Variants in TMEM170B observed in about 807,000 individuals in gnomAD.
The protein encoded by TMEM170B is transmembrane protein 170B.
In TMEM170B, 6 loss-of-function variants were observed where a neutral mutation model predicts 13.0. That is an observed-to-expected ratio of 0.46 (90% CI 0.25 to 0.91). The LOEUF (loss-of-function observed/expected upper bound fraction) is 0.91, where lower values mean the gene tolerates loss of function less well. Among genes scored for constraint, TMEM170B ranks in the 40% least tolerant of loss-of-function variants. The pLI, the probability that TMEM170B is intolerant of heterozygous loss-of-function variation, is 0.17. For missense variants in TMEM170B, 138 were observed against 165.2 expected (o/e 0.84, Z 0.90); for synonymous variants, 61 against 64.9 (o/e 0.94, Z 0.29).
chr6:11,569,801 G>A (rs373156802), intron 2 of TMEM170B, among the ~76,000 whole-genome samples: 35 of 152,048 alleles, frequency 2.3e-4, no homozygotes, highest in African/African-American at 8.4e-4. Context: ...GATTTGTAGT[G>A]CCACCTTTAT....
In TMEM170B at chr6:11,555,210, T is replaced by C. The variant is rs80273060; in HGVS notation, c.98-10456T>C. 2.8e-3 allele frequency among the ~76,000 whole-genome samples: 426 copies of C among 152,244 alleles called. 17 individuals carry two copies. The East Asian group carries it at 0.073, about 26-fold the overall frequency. On this transcript the variant is annotated intron_variant, in intron 1 of 2. Coordinates refer to ENST00000379426, the MANE Select transcript of TMEM170B (RefSeq NM_001100829.3). ...CCTTTCAGTATTTTAAAGATGTCAC[T>C]CTATTGTCTTCTGGCTCGGAAATTT...
chr6:11,567,553 A>G (rs370251955), intron 2 of TMEM170B, among the ~76,000 whole-genome samples: 4 of 152,350 alleles, frequency 2.6e-5, no homozygotes, highest in African/African-American at 9.6e-5. Context: ...CTATGGCACT[A>G]ATAAGACAAC....
At chr6:11,551,953 A>G (rs776731813) in intron 1 of TMEM170B, among the ~76,000 whole-genome samples, 1 of 152,176 alleles carries the variant, frequency 6.6e-6, no homozygotes, top group Non-Finnish European at 1.5e-5. Flanking sequence ...TTCATTATAC[A>G]GTTTTTTCCT....
At chr6:11,538,958 C>G (rs976628507) in intron 1 of TMEM170B, among the ~76,000 whole-genome samples, 1 of 152,178 alleles carries the variant, frequency 6.6e-6, no homozygotes, top group Non-Finnish European at 1.5e-5. Flanking sequence ...ATATCTCCTT[C>G]CCCTCCCATT....
chr6:11,538,386 G>A lies in TMEM170B; in HGVS notation c.97+12G>A, dbSNP rs1339770867. The A allele has an allele frequency of 1.3e-6, 2 of 1,500,474 alleles. No homozygotes were observed. The highest frequency in any genetic ancestry group is 1.8e-6 in the Non-Finnish European group (2 of 1,126,088). The allele number at this position is 1,500,474 out of a possible 1,614,324, so 92.9% of individuals were successfully genotyped here. ...GAGGAACCTCACGGGTAATTGACGC[G>A]CCTGGGCTGGGGACGGGGATGCGGT... On this transcript the variant is annotated intron_variant, in intron 1 of 2. Transcript: ENST00000379426.
At chr6:11,540,133 A>C (rs1273256352) in intron 1 of TMEM170B, among the ~76,000 whole-genome samples, 1 of 152,198 alleles carries the variant, frequency 6.6e-6, no homozygotes, top group East Asian at 1.9e-4. Flanking sequence ...TGTGTTGATG[A>C]CTGCTGACTG....
intron 1 of TMEM170B, among the ~76,000 whole-genome samples, chr6:11,564,454 A>G (rs1759709336): frequency 6.6e-6 from 1 of 152,240 alleles, no homozygotes; most frequent in Non-Finnish European, 1.5e-5. Flanking sequence ...TACAATTGAT[A>G]GTGACTACCT....
In TMEM170B at chr6:11,574,901, A is replaced by G. The variant is rs544814448; in HGVS notation, c.269-530A>G. ...ATTTAAAAAGCAAGAACTATTTTGT[A>G]TGGTAGATTGTGAGATGGATTAGTC... is the stretch of plus-strand genomic sequence containing the variant. On this transcript the variant is annotated intron_variant, in intron 2 of 2. Transcript: ENST00000379426. Among the ~76,000 whole-genome samples, 8 of 152,260 alleles carry G rather than the reference A, an allele frequency of 5.3e-5. No individual in the cohort carries two copies. In the South Asian group the frequency reaches 1.7e-3, roughly 32 times the overall value.
chr6:11,582,467 A>T lies in TMEM170B; in HGVS notation c.*6906A>T, dbSNP rs556230503. On this transcript the variant is annotated 3_prime_UTR_variant, in exon 3 of 3. Transcript: ENST00000379426. ...CTACTAACTTCATATGGTTCAATGT[A>T]AATCAGTTACTTAGTCATTGACTGT... 5 of 152,224 alleles carry T rather than the reference A, an allele frequency of 3.3e-5. No individual in the cohort carries two copies. The highest frequency in any genetic ancestry group is 5.9e-5 in the Non-Finnish European group (4 of 68,028). The allele number at this position is 152,224 out of a possible 1,614,324, so 9.4% of individuals were successfully genotyped here.
chr6:11,543,966 A>C (rs1759396568), intron 1 of TMEM170B, among the ~76,000 whole-genome samples: 1 of 152,204 alleles, frequency 6.6e-6, no homozygotes, highest in South Asian at 2.1e-4. Flanking sequence ...AAAAAGTAAT[A>C]ATGAGAACTA....
rs915270706 is a variant in TMEM170B at position 11,577,541 on chromosome 6, T to A, written c.*1980T>A. On this transcript the variant is annotated 3_prime_UTR_variant, in exon 3 of 3. Coordinates refer to ENST00000379426, the MANE Select transcript of TMEM170B (RefSeq NM_001100829.3). ...AATTACCAATAGCATGTGGAAATTG[T>A]TTCAGATCTCCAGAATGAATACTTA... The A allele has an allele frequency of 2.6e-5, 4 of 152,242 alleles. No homozygotes were observed. The highest frequency in any genetic ancestry group is 9.6e-5 in the African/African-American group (4 of 41,580). 9.4% of individuals were successfully genotyped at this position (152,242 alleles called of 1,614,324 possible).
intron 1 of TMEM170B, among the ~76,000 whole-genome samples, chr6:11,562,593 A>ATTTTC: frequency 6.6e-6 from 1 of 152,162 alleles, no homozygotes; most frequent in Non-Finnish European, 1.5e-5. Flanking sequence ...TTAAACTTTT[A>ATTTTC]TTTTGAGATT....
At chr6:11,547,359 A>G (rs146993881) in intron 1 of TMEM170B, among the ~76,000 whole-genome samples, 19 of 152,310 alleles carry the variant, frequency 1.2e-4, no homozygotes, top group African/African-American at 4.1e-4. Flanking sequence ...CTAGCTTACC[A>G]TTAGGTTAAG....
chr6:11,574,576 AAG>A (rs1450291417), intron 2 of TMEM170B, among the ~76,000 whole-genome samples: 8 of 152,276 alleles, frequency 5.3e-5, no homozygotes, highest in Admixed American at 3.3e-4. Context: ...TTTCTAGAAA[AAG>A]AGTTTTCAGG....
At chr6:11,542,386 A>G (rs1009909600) in intron 1 of TMEM170B, among the ~76,000 whole-genome samples, 9 of 152,204 alleles carry the variant, frequency 5.9e-5, no homozygotes, top group African/African-American at 2.2e-4. Context: ...GTAGTTATTC[A>G]TCCAGGGTTA....
intron 1 of TMEM170B, among the ~76,000 whole-genome samples, chr6:11,541,877 GGA>G (rs1759365303): frequency 6.6e-6 from 1 of 152,258 alleles, no homozygotes; most frequent in African/African-American, 2.4e-5. Context: ...GGAAACCCGA[GGA>G]GAGGGAGAGA....
At chr6:11,550,093 C>T (rs1185406823) in intron 1 of TMEM170B, among the ~76,000 whole-genome samples, 1 of 152,082 alleles carries the variant, frequency 6.6e-6, no homozygotes, top group African/African-American at 2.4e-5. Context: ...CCACCTTGGC[C>T]TCCCAAAATG....
chr6:11,579,752 C>T lies in TMEM170B; in HGVS notation c.*4191C>T, dbSNP rs1186963016. The T allele has an allele frequency of 6.6e-6, 1 of 152,214 alleles. No homozygotes were observed. Among genetic ancestry groups the T allele is most frequent in the Non-Finnish European group, 1.5e-5 (1 of 68,046 alleles). The allele number at this position is 152,214 out of a possible 1,614,324, so 9.4% of individuals were successfully genotyped here. ...AGGTAGTCAGCCTTGACTCCCTTAT[C>T]TATTCCCACTTACTTCCCTTGGATT... is the stretch of plus-strand genomic sequence containing the variant. On this transcript the variant is annotated 3_prime_UTR_variant, in exon 3 of 3. Transcript: ENST00000379426.
chr6:11,580,621 C>T lies in TMEM170B; in HGVS notation c.*5060C>T, dbSNP rs913259757. On this transcript the variant is annotated 3_prime_UTR_variant, in exon 3 of 3. Transcript: ENST00000379426. ...CGGGTGAAACTCTGAATTGTTAAAA[C>T]GGACCAATAATCAAATGGTTTTATA... 2.0e-5 allele frequency: 3 copies of T among 152,280 alleles called. No homozygotes were observed. The highest frequency in any genetic ancestry group is 1.9e-4 in the East Asian group (1 of 5,188). The allele number at this position is 152,280 out of a possible 1,614,324, so 9.4% of individuals were successfully genotyped here. A position where few individuals can be genotyped will look rare whatever the true frequency, so the allele number is the denominator to read the frequency against.
Sources: allele counts gnomAD v4.1 joint callset (sites outside exome capture counted in the v4.1 genomes callset), GRCh38; gene constraint gnomAD v4.1.1; transcripts MANE v1.5; gene names NCBI Gene and HGNC (gene_info 2026-07-23, HGNC 2026-07-21).